MROH2A: variants seen among roughly 807,000 people sequenced by gnomAD.
The protein encoded by MROH2A is maestro heat like repeat family member 2A, also known as maestro heat-like repeat-containing protein family member 2A.
A neutral mutation model predicts 200.4 loss-of-function variants in MROH2A; 174 were observed. The observed-to-expected ratio is 0.87, with a 90% CI of 0.77 to 0.98. The LOEUF (loss-of-function observed/expected upper bound fraction) is 0.98, where lower values mean the gene tolerates loss of function less well. MROH2A is among the 50% of genes least tolerant of loss of function. MROH2A has a pLI of 0.00. For synonymous variants in MROH2A, 829 were observed against 840.4 expected (o/e 0.99, Z 0.23); for missense variants, 2,045 against 2,139.6 (o/e 0.96, Z 0.87).
In MROH2A at chr2:233,810,234, T is replaced by C. The variant is rs28900671; in HGVS notation, c.2449-560T>C. Among the ~76,000 whole-genome samples the C allele has an allele frequency of 7.7e-3, 1,178 of 152,286 alleles. 105 individuals carry two copies. The East Asian group carries it at 0.19, about 24-fold the overall frequency. ...CGTGTTAACGCTGCTGCTAAAGGCA[T>C]ACCTGAAACTGGGAACAAAAAGAGG... On this transcript the variant is annotated intron_variant, in intron 22 of 41. Transcript: ENST00000389758.
chr2:233,814,468 G>C, intron 25 of MROH2A, 114 bp from the exon 26 acceptor site: 1 of 667,754 alleles, frequency 1.5e-6, no homozygotes, highest in Non-Finnish European at 2.7e-6. Context: ...AGCTCAGACT[G>C]AACAGAAGTT....
At chr2:233,803,586 G>A in intron 16 of MROH2A, 98 bp downstream of exon 16, 1 of 1,293,232 alleles carries the variant, frequency 7.7e-7, no homozygotes, top group Non-Finnish European at 1.1e-6. Context: ...AGGGGTATGA[G>A]GAAGCTGAGG....
chr2:233,832,531 G>C, intron 40 of MROH2A, 48 bp from the exon 41 acceptor site: 2 of 1,374,130 alleles, frequency 1.5e-6, no homozygotes, highest in Non-Finnish European at 2.0e-6. Flanking sequence ...CGACTTGCCT[G>C]CTGACCTAAT....
At chr2:233,816,625 C>T (rs764117234) in intron 26 of MROH2A, among the ~76,000 whole-genome samples, 156 bp from the exon 27 acceptor site, 4 of 152,208 alleles carry the variant, frequency 2.6e-5, no homozygotes, top group South Asian at 2.1e-4. Flanking sequence ...TCCCTGCCTA[C>T]AGCCTCATCT....
intron 22 of MROH2A, among the ~76,000 whole-genome samples, chr2:233,810,130 G>T (rs1039520763): frequency 6.6e-6 from 1 of 152,196 alleles, no homozygotes; most frequent in Non-Finnish European, 1.5e-5. Context: ...GGGGCCCCTG[G>T]TCACTGAAGG....
At chr2:233,787,018 A>C (rs1023579775) in intron 3 of MROH2A, among the ~76,000 whole-genome samples, 1 of 152,172 alleles carries the variant, frequency 6.6e-6, no homozygotes, top group Non-Finnish European at 1.5e-5. Flanking sequence ...ACAGAGATGT[A>C]AAGTAGCCTT....
chr2:233,829,147 G>T lies in MROH2A; in HGVS notation c.4446+75G>T, dbSNP rs1704539982. On this transcript the variant is annotated intron_variant, in intron 37 of 41. Transcript: ENST00000389758. ...TTCTCAGACCCTAAGGAAGAGATGG[G>T]CTCTAGAGCAGAAAAGAGCCGAGGC... The T allele has an allele frequency of 5.1e-6, 7 of 1,372,896 alleles. 1 individual carries two copies. Among genetic ancestry groups the T allele is most frequent in the African/African-American group, 2.9e-5 (2 of 68,310 alleles). 85.0% of individuals were successfully genotyped at this position (1,372,896 alleles called of 1,614,324 possible). A position where few individuals can be genotyped will look rare whatever the true frequency, so the allele number is the denominator to read the frequency against.
intron 41 of MROH2A, among the ~76,000 whole-genome samples, 174 bp from the exon 42 acceptor site, chr2:233,832,964 A>C (rs1178843087): frequency 1.3e-5 from 2 of 152,192 alleles, no homozygotes; most frequent in African/African-American, 4.8e-5. Flanking sequence ...CCTGAGAGCT[A>C]TGATGTGTGT....
intron 5 of MROH2A, 55 bp from the exon 6 acceptor site, chr2:233,792,741 C>T: frequency 8.7e-7 from 1 of 1,155,898 alleles, no homozygotes; most frequent in Non-Finnish European, 1.3e-6. Context: ...TCTCTGCCTT[C>T]TCTCTGCTCA....
chr2:233,785,559 C>G (rs1701163547), intron 3 of MROH2A, among the ~76,000 whole-genome samples: 1 of 151,666 alleles, frequency 6.6e-6, no homozygotes, highest in Non-Finnish European at 1.5e-5. Context: ...AGGGGAAGCA[C>G]TAGGGTCTGT....
intron 41 of MROH2A, 58 bp downstream of exon 41, chr2:233,832,702 C>T: frequency 8.6e-7 from 1 of 1,157,364 alleles, no homozygotes; most frequent in Non-Finnish European, 1.3e-6. Context: ...ACTAGGGGAG[C>T]TTAGAGAAAC....
rs1373913174 is a variant in MROH2A at position 233,804,505 on chromosome 2, G to A, written c.1902G>A (p.Glu634=). 3 of 1,551,180 alleles carry A rather than the reference G, an allele frequency of 1.9e-6. No homozygotes were observed. Among genetic ancestry groups the A allele is most frequent in the Non-Finnish European group, 2.6e-6 (3 of 1,147,158 alleles). ...LLVRYLEEHT[E]FTWDQKAWED... ...CATGTGTTCCTGCAGAACATACTGA[G>A]TTCACTTGGGATCAGAAAGCCTGGG... Residue 634 remains glutamate (E), a synonymous_variant, in exon 18 of 42, where the codon GAG becomes GAA. Coordinates refer to ENST00000389758, the MANE Select transcript of MROH2A (RefSeq NM_001394639.1).
intron 12 of MROH2A, among the ~76,000 whole-genome samples, chr2:233,799,517 G>A (rs1002127131): frequency 1.9e-4 from 29 of 152,182 alleles, no homozygotes; most frequent in African/African-American, 7.0e-4. Flanking sequence ...GGCAAGGGCT[G>A]CTAGAATGGA....
chr2:233,827,951 A>AGTGC (rs1704428082), intron 35 of MROH2A, among the ~76,000 whole-genome samples: 1 of 152,154 alleles, frequency 6.6e-6, no homozygotes, highest in African/African-American at 2.4e-5. Context: ...ATATGTTTAA[A>AGTGC]TGAATGGAAG....
chr2:233,816,734 C>A (rs1283031996), intron 26 of MROH2A, 47 bp from the exon 27 acceptor site: 2 of 1,357,572 alleles, frequency 1.5e-6, no homozygotes, highest in South Asian at 1.3e-5. Context: ...AAAGGGCTGG[C>A]CCCAGGATTT....
chr2:233,822,064 T>C, intron 31 of MROH2A, 60 bp from the exon 32 acceptor site: 1 of 1,501,654 alleles, frequency 6.7e-7, no homozygotes, highest in Non-Finnish European at 8.9e-7. Context: ...TGAAAGGGAT[T>C]CTTACCTGCC....
Position 233,810,834 on chromosome 2 carries a change from A to G in MROH2A, c.2489A>G (p.Gln830Arg). The G allele has an allele frequency of 1.3e-6, 2 of 1,550,426 alleles. No individual in the cohort carries two copies. ...LKMAFMKSVV[Q>R]VTKAINNIKD... ...ATGGCCTTCATGAAGAGTGTTGTGC[A>G]GGTTACCAAGGCCATCAACAACATC... Residue 830 changes from glutamine (Q) to arginine (R), a missense_variant, in exon 23 of 42, where the codon CAG becomes CGG. Physicochemically the swap from Gln to Arg is conservative, Grantham distance 43. Around this residue, in one of 3 missense-constraint regions of MROH2A, gnomAD observed 1,201 missense variants for 1,311.3 expected, o/e 0.92. Coordinates refer to ENST00000389758, the MANE Select transcript of MROH2A (RefSeq NM_001394639.1).
chr2:233,831,629 T>TG (rs1704762013), intron 39 of MROH2A, 89 bp downstream of exon 39: 2 of 1,409,446 alleles, frequency 1.4e-6, no homozygotes, highest in African/African-American at 2.9e-5. Context: ...AGCTCTTTCT[T>TG]GGGGCCCTAT....
rs28900691 is a variant in MROH2A at position 233,823,446 on chromosome 2, G to T, written c.4005-110G>T. On this transcript the variant is annotated intron_variant, in intron 34 of 41. Transcript: ENST00000389758. ...AGAGATGTTACGACATCTTTCCGGG[G>T]TTATCTTGCCACCAGGGTCCAGGCA... The T allele has an allele frequency of 7.5e-6, 10 of 1,340,256 alleles. No individual in the cohort carries two copies. In the Admixed American group the frequency reaches 1.3e-4, roughly 17 times the overall value. 83.0% of individuals were successfully genotyped at this position (1,340,256 alleles called of 1,614,324 possible).
Sources: allele counts gnomAD v4.1 joint callset (sites outside exome capture counted in the v4.1 genomes callset), GRCh38; gene constraint gnomAD v4.1.1; regional missense constraint gnomAD v4.1.1; transcripts MANE v1.5; gene names NCBI Gene and HGNC (gene_info 2026-07-23, HGNC 2026-07-21).